LRRC37A2: variants seen among roughly 807,000 people sequenced by gnomAD.
The protein encoded by LRRC37A2 is leucine-rich repeat-containing protein 37A2.
LRRC37A2 carries 9 observed loss-of-function variants against 68.8 expected under a neutral mutation model. The observed-to-expected ratio is 0.13, with a 90% confidence interval of 0.08 to 0.23. LRRC37A2 has a LOEUF of 0.23. Ranked by LOEUF, LRRC37A2 falls within the 10% of genes least tolerant of loss-of-function variation. The probability of loss-of-function intolerance (pLI) is 1.00; values close to 1 mark genes in which losing one functional copy is unlikely to be tolerated. For missense variants in LRRC37A2, 168 were observed against 950.4 expected (o/e 0.18, Z 10.82); for synonymous variants, 63 against 367.6 (o/e 0.17, Z 9.48).
the LRRC37A2 span, among the ~76,000 whole-genome samples, chr17:46,988,193 C>A: frequency 6.6e-6 from 1 of 152,146 alleles, no homozygotes; most frequent in South Asian, 2.1e-4. Flanking sequence ...AACAAACAAA[C>A]AAATGCATTA....
the LRRC37A2 span, among the ~76,000 whole-genome samples, chr17:46,943,070 G>T: frequency 6.6e-6 from 1 of 152,194 alleles, no homozygotes; most frequent in African/African-American, 2.4e-5. Flanking sequence ...GGGGCATTGG[G>T]AGTTGCCCAA....
chr17:46,918,358 G>A, the LRRC37A2 span, among the ~76,000 whole-genome samples: 2 of 152,174 alleles, frequency 1.3e-5, no homozygotes, highest in East Asian at 1.9e-4. Context: ...GATTACAGGC[G>A]TGAACCGCCG....
At chr17:47,048,325 C>A in the LRRC37A2 span, among the ~76,000 whole-genome samples, 5 of 151,802 alleles carry the variant, frequency 3.3e-5, 1 homozygote, top group Non-Finnish European at 5.9e-5. Context: ...GCACACTTGA[C>A]CTTCATGCAG....
At chr17:46,610,027 T>TTCTTTCTTTCTCTC in the LRRC37A2 span, among the ~76,000 whole-genome samples, 132 of 109,498 alleles carry the variant, frequency 1.2e-3, 4 homozygotes, top group African/African-American at 3.7e-3. Flanking sequence ...CTTTCTTTCT[T>TTCTTTCTTTCTCTC]TCTCTCTCTC....
At chr17:46,841,555 G>T in the LRRC37A2 span, among the ~76,000 whole-genome samples, 4 of 152,260 alleles carry the variant, frequency 2.6e-5, no homozygotes, top group Non-Finnish European at 5.9e-5. Flanking sequence ...AGCGGGTTAA[G>T]GTGGGGGCGT....
At chr17:46,896,918 T>C in the LRRC37A2 span, among the ~76,000 whole-genome samples, 13 of 152,038 alleles carry the variant, frequency 8.6e-5, no homozygotes, top group Non-Finnish European at 1.5e-4. Flanking sequence ...CCAAAAGAAG[T>C]CCCCAAATCA....
At chr17:46,726,110 T>C in the LRRC37A2 span, among the ~76,000 whole-genome samples, 19 of 152,342 alleles carry the variant, frequency 1.2e-4, no homozygotes, top group African/African-American at 4.6e-4. Flanking sequence ...CTGATTTGAG[T>C]TGACAGAATT....
the LRRC37A2 span, among the ~76,000 whole-genome samples, chr17:46,949,539 T>A: frequency 2.6e-5 from 4 of 152,114 alleles, no homozygotes; most frequent in Non-Finnish European, 4.4e-5. Flanking sequence ...TGGGATGGAA[T>A]TGACACGGTG....
At chr17:46,903,385 C>T in the LRRC37A2 span, among the ~76,000 whole-genome samples, 1 of 151,980 alleles carries the variant, frequency 6.6e-6, no homozygotes, top group South Asian at 2.1e-4. Flanking sequence ...GCACCATGAG[C>T]TGAACTGGCA....
the LRRC37A2 span, among the ~76,000 whole-genome samples, chr17:46,958,604 G>A: frequency 6.6e-6 from 1 of 152,220 alleles, no homozygotes; most frequent in Non-Finnish European, 1.5e-5. Flanking sequence ...ACAGTGAGAT[G>A]TGCCAGTGGG....
chr17:46,839,682 A>G, the LRRC37A2 span, among the ~76,000 whole-genome samples: 1 of 150,916 alleles, frequency 6.6e-6, no homozygotes, highest in Middle Eastern at 3.4e-3. Context: ...TCCCTCCCCC[A>G]GTCCCCCCCG....
At chr17:47,000,075 A>AAAAT in the LRRC37A2 span, among the ~76,000 whole-genome samples, 3 of 6,660 alleles carry the variant, frequency 4.5e-4, no homozygotes, top group Admixed American at 3.2e-3. Context: ...AAAATAAAAT[A>AAAAT]AAAAATAAAA....
the LRRC37A2 span, among the ~76,000 whole-genome samples, chr17:46,476,599 G>T: frequency 1.9e-5 from 2 of 104,592 alleles, no homozygotes; most frequent in Non-Finnish European, 4.7e-5. Context: ...TAGGAGAATC[G>T]CCTGAATCCA....
chr17:46,913,766 T>G, the LRRC37A2 span, among the ~76,000 whole-genome samples: 1 of 152,160 alleles, frequency 6.6e-6, no homozygotes, highest in Non-Finnish European at 1.5e-5. Context: ...TACTTTTTTA[T>G]TTTTATTTAT....
At chr17:47,001,928 A>G in the LRRC37A2 span, among the ~76,000 whole-genome samples, 1 of 151,694 alleles carries the variant, frequency 6.6e-6, no homozygotes, top group Non-Finnish European at 1.5e-5. Context: ...TTGTATTTGT[A>G]TTTAGTACAA....
At chr17:47,017,772 A>G in the LRRC37A2 span, 1 of 1,610,664 alleles carries the variant, frequency 6.2e-7, no homozygotes, top group Non-Finnish European at 8.5e-7. Context: ...GTATCCCGGT[A>G]GCCTGCCTCC....
chr17:46,533,418 T>C lies in LRRC37A2; in HGVS notation c.2907-6758T>C, dbSNP rs1420231702. Among the ~76,000 whole-genome samples the C allele has an allele frequency of 3.9e-5, 5 of 128,172 alleles. No individual in the cohort carries two copies. In the East Asian group the frequency reaches 8.9e-4, roughly 23 times the overall value. The allele number at this position is 128,172 out of a possible 152,430, so 84.1% of individuals were successfully genotyped here. ...TCTCACCCCCTCCTTTATACTGTTA[T>C]TGTCACACATTACATCTTTATATAC... is the stretch of plus-strand genomic sequence containing the variant. On this transcript the variant is annotated intron_variant, in intron 6 of 14. Transcript: ENST00000576629.
the LRRC37A2 span, among the ~76,000 whole-genome samples, chr17:46,879,446 C>T: frequency 6.6e-6 from 1 of 152,214 alleles, no homozygotes; most frequent in East Asian, 1.9e-4. Context: ...TCTGCTCTGG[C>T]AAAAGTGTCT....
the LRRC37A2 span, among the ~76,000 whole-genome samples, chr17:46,808,345 A>T: frequency 6.6e-6 from 1 of 152,254 alleles, no homozygotes; most frequent in African/African-American, 2.4e-5. Flanking sequence ...GTTCACAAAT[A>T]GTATCTATAA....
Sources: allele counts gnomAD v4.1 joint callset (sites outside exome capture counted in the v4.1 genomes callset), GRCh38; gene constraint gnomAD v4.1.1; transcripts MANE v1.5; gene names NCBI Gene and HGNC (gene_info 2026-07-23, HGNC 2026-07-21).